The following CNTNAP2 variants were observed in gnomAD, a reference collection of about 807,000 sequenced individuals.
The protein encoded by CNTNAP2 is contactin-associated protein-like 2.
A neutral mutation model predicts 155.2 loss-of-function variants in CNTNAP2; 98 were observed. The ratio of observed to expected loss-of-function variants is 0.63; its 90% CI spans 0.54 to 0.75. CNTNAP2 has a LOEUF of 0.75. CNTNAP2 is among the 30% of genes least tolerant of loss of function. CNTNAP2 has a pLI of 0.00. For missense variants in CNTNAP2, 1,727 were observed against 1,688.1 expected, an observed-to-expected ratio of 1.02 and a Z score of -0.40; for synonymous variants, 651 against 631.2, an observed-to-expected ratio of 1.03 and a Z score of -0.47.
chr7:147,912,432 G>A (rs567271432), intron 14 of CNTNAP2, among the ~76,000 whole-genome samples: 1 of 152,140 alleles, frequency 6.6e-6, no homozygotes. Context: ...TACTCTGCCA[G>A]CTGCAGCTGT....
intron 8 of CNTNAP2, among the ~76,000 whole-genome samples, chr7:147,219,942 A>ATTTTTTTTTTTTTTTT (rs34947567): frequency 1.6e-5 from 2 of 123,016 alleles, no homozygotes; most frequent in Non-Finnish European, 1.7e-5. Context: ...CGCCCAGCTA[A>ATTTTTTTTTTTTTTTT]TTTTTTTTTT....
At chr7:146,400,285 A>T (rs1443080410) in intron 1 of CNTNAP2, among the ~76,000 whole-genome samples, 1 of 152,142 alleles carries the variant, frequency 6.6e-6, no homozygotes, top group East Asian at 1.9e-4. Context: ...AAAATATGAA[A>T]AAAAGGAGGC....
intron 1 of CNTNAP2, among the ~76,000 whole-genome samples, chr7:146,721,335 T>C (rs899110758): frequency 2.3e-5 from 3 of 131,792 alleles, no homozygotes; most frequent in Non-Finnish European, 4.6e-5. Flanking sequence ...ATACATTCTA[T>C]ATACATTCTA....
chr7:146,570,985 A>ATC (rs1423673443), intron 1 of CNTNAP2, among the ~76,000 whole-genome samples: 5 of 152,116 alleles, frequency 3.3e-5, no homozygotes, highest in Non-Finnish European at 5.9e-5. Flanking sequence ...CTAAAAATAA[A>ATC]TCTAGTGATG....
At chr7:148,163,750 A>G (rs910876723) in intron 17 of CNTNAP2, among the ~76,000 whole-genome samples, 6 of 152,200 alleles carry the variant, frequency 3.9e-5, no homozygotes, top group Non-Finnish European at 8.8e-5. Context: ...TCCAATATCT[A>G]GCTGACAGAG....
chr7:146,148,592 G>A (rs1346761322), intron 1 of CNTNAP2, among the ~76,000 whole-genome samples: 1 of 152,142 alleles, frequency 6.6e-6, no homozygotes, highest in African/African-American at 2.4e-5. Flanking sequence ...TTTATGCTGG[G>A]AAATTCAGAA....
chr7:147,693,388 C>A (rs1796117698), intron 13 of CNTNAP2, among the ~76,000 whole-genome samples: 1 of 151,962 alleles, frequency 6.6e-6, no homozygotes. Flanking sequence ...ATAGCTTGCT[C>A]AGATTTTAAT....
At chr7:147,387,064 A>G (rs780726106) in intron 9 of CNTNAP2, among the ~76,000 whole-genome samples, 9 of 152,084 alleles carry the variant, frequency 5.9e-5, no homozygotes, top group Non-Finnish European at 1.0e-4. Context: ...CGTATTCACC[A>G]TCACGGGAAT....
intron 1 of CNTNAP2, among the ~76,000 whole-genome samples, chr7:146,329,595 C>A (rs1033586812): frequency 6.6e-5 from 10 of 152,124 alleles, no homozygotes; most frequent in Non-Finnish European, 1.5e-4. Flanking sequence ...CAATATATTG[C>A]CAGTCACTTT....
In CNTNAP2 at chr7:148,415,927, G is replaced by A. The variant is rs963765546; in HGVS notation, c.*311G>A. Reference sequence around the variant, plus strand: ...TCTTATTTTGTGTGTGTTTAGAGGTGTTCTAAAGACCCGTGGTAACAGGGC... The same window carrying A: ...TCTTATTTTGTGTGTGTTTAGAGGTATTCTAAAGACCCGTGGTAACAGGGC... On this transcript the variant is annotated 3_prime_UTR_variant, in exon 24 of 24. Transcript: ENST00000361727. 4 of 406,046 alleles carry A rather than the reference G, an allele frequency of 9.9e-6. No homozygotes were observed. The East Asian group carries it at 1.8e-4, about 18-fold the overall frequency. 25.2% of individuals were successfully genotyped at this position (406,046 alleles called of 1,614,324 possible).
intron 23 of CNTNAP2, among the ~76,000 whole-genome samples, chr7:148,414,042 T>C (rs954059109): frequency 1.3e-5 from 2 of 152,132 alleles, no homozygotes; most frequent in Non-Finnish European, 2.9e-5. Flanking sequence ...TTTTATCTAA[T>C]CTGTATTATT....
chr7:148,079,340 A>G (rs1803554091), intron 15 of CNTNAP2, among the ~76,000 whole-genome samples: 1 of 152,324 alleles, frequency 6.6e-6, no homozygotes, highest in South Asian at 2.1e-4. Flanking sequence ...TCATAGGCAG[A>G]TTCTCATGAT....
chr7:147,014,949 C>T (rs1321334254), intron 3 of CNTNAP2, among the ~76,000 whole-genome samples: 1 of 151,922 alleles, frequency 6.6e-6, no homozygotes, highest in Non-Finnish European at 1.5e-5. Context: ...TTATTAATGC[C>T]AAATGGAAAA....
At chr7:147,426,833 G>A (rs1218013988) in intron 10 of CNTNAP2, among the ~76,000 whole-genome samples, 1 of 152,024 alleles carries the variant, frequency 6.6e-6, no homozygotes, top group Non-Finnish European at 1.5e-5. Flanking sequence ...TTGGATGGAT[G>A]GATGGATGGA....
At chr7:147,545,667 A>T (rs1799716502) in intron 11 of CNTNAP2, among the ~76,000 whole-genome samples, 1 of 152,158 alleles carries the variant, frequency 6.6e-6, no homozygotes, top group Non-Finnish European at 1.5e-5. Flanking sequence ...TCTGATGGTT[A>T]GTCTGTTCCT....
intron 1 of CNTNAP2, among the ~76,000 whole-genome samples, chr7:146,628,338 G>C (rs1326867670): frequency 6.6e-6 from 1 of 152,038 alleles, no homozygotes; most frequent in Non-Finnish European, 1.5e-5. Context: ...TAATCTAAGA[G>C]TAGATAGTAG....
chr7:147,062,308 A>G (rs1799699399), intron 4 of CNTNAP2, among the ~76,000 whole-genome samples: 1 of 152,000 alleles, frequency 6.6e-6, no homozygotes, highest in African/African-American at 2.4e-5. Context: ...CTGCTTAAAT[A>G]TCATATAGAA....
chr7:146,117,264 G>A, intron 1 of CNTNAP2: 1 of 417,006 alleles, frequency 2.4e-6, no homozygotes, highest in East Asian at 3.9e-5. Flanking sequence ...CAGCTTCTTA[G>A]GAGTTGTTTG....
rs117649760 is a variant in CNTNAP2 at position 148,121,810 on chromosome 7, A to T, written c.2554+3522A>T. Among the ~76,000 whole-genome samples the T allele has an allele frequency of 9.6e-3, 1,461 of 152,300 alleles. 26 individuals are homozygous for T. The highest frequency in any genetic ancestry group is 0.07 in the East Asian group (365 of 5,182). ...AGATAAAATTAGGGCAATCTCACTCATTAGCATGCTTTAATGGTAACATTT... is the reference window on the plus strand; with the variant it reads ...AGATAAAATTAGGGCAATCTCACTCTTTAGCATGCTTTAATGGTAACATTT... On this transcript the variant is annotated intron_variant, in intron 16 of 23. Transcript: ENST00000361727.
Sources: gnomAD v4.1 joint callset for allele counts (sites outside exome capture counted in the v4.1 genomes callset) on GRCh38, gnomAD v4.1.1 for gene constraint, MANE v1.5 for transcripts, NCBI Gene and HGNC (gene_info 2026-07-23, HGNC 2026-07-21) for gene names.